WDR76: variants seen among roughly 807,000 people sequenced by gnomAD.
The protein encoded by WDR76 is WD repeat-containing protein 76.
A neutral mutation model predicts 70.2 loss-of-function variants in WDR76; 52 were observed. The observed-to-expected ratio is 0.74, with a 90% CI of 0.59 to 0.93. The LOEUF is 0.93. Ranked by LOEUF, WDR76 falls within the 40% of genes least tolerant of loss-of-function variation. The probability of loss-of-function intolerance (pLI) is 0.00; values close to 1 mark genes in which losing one functional copy is unlikely to be tolerated. For missense variants in WDR76, 756 were observed against 760.2 expected, an observed-to-expected ratio of 0.99 and a Z score of 0.07; for synonymous variants, 292 against 271.1, an observed-to-expected ratio of 1.08 and a Z score of -0.76.
intron 4 of WDR76, among the ~76,000 whole-genome samples, chr15:43,837,024 G>A (rs2141728583): frequency 6.8e-6 from 1 of 146,264 alleles, no homozygotes; most frequent in Middle Eastern, 3.7e-3. Context: ...TGGGCAATAA[G>A]AGTGAGACTC....
At chr15:43,833,404 C>T (rs1243031292) in intron 2 of WDR76, among the ~76,000 whole-genome samples, 16 of 151,034 alleles carry the variant, frequency 1.1e-4, no homozygotes, top group East Asian at 9.8e-4. Context: ...CTGCAAGCTC[C>T]GCCTCCCGGG....
chr15:43,837,814 C>T (rs2087675895), intron 4 of WDR76, among the ~76,000 whole-genome samples: 1 of 151,984 alleles, frequency 6.6e-6, no homozygotes, highest in African/African-American at 2.4e-5. Context: ...ATATATACCC[C>T]TCCCTCCCGA....
rs778368596 is a variant in WDR76, at chr15:43,828,353, C to T, written c.449C>T (p.Thr150Ile). The T allele has an allele frequency of 3.7e-6, 6 of 1,603,344 alleles. No individual in the cohort carries two copies. Among genetic ancestry groups the T allele is most frequent in the African/African-American group, 1.3e-5 (1 of 74,476 alleles). ...SSQDGDSDEDTTPSLDFSGLS... is the reference protein window; with the variant it reads ...SSQDGDSDEDITPSLDFSGLS... ...CAGGATGGAGACAGTGATGAAGATACCACACCATCCCTGGTAAGAACTTAA... is the reference window on the plus strand; with the variant it reads ...CAGGATGGAGACAGTGATGAAGATATCACACCATCCCTGGTAAGAACTTAA... The change falls in exon 2 of 13, where the codon ACC becomes ATC. Residue 150 changes from threonine (T) to isoleucine (I), a missense_variant. Transcript: ENST00000263795.
At chr15:43,833,541 G>A (rs1375826941) in intron 2 of WDR76, among the ~76,000 whole-genome samples, 1 of 151,374 alleles carries the variant, frequency 6.6e-6, no homozygotes, top group Non-Finnish European at 1.5e-5. Flanking sequence ...GGATGGTCTC[G>A]ATCTCCTGAC....
chr15:43,828,523 T>C (rs2087546860), intron 2 of WDR76, among the ~76,000 whole-genome samples, 157 bp downstream of exon 2: 1 of 152,232 alleles, frequency 6.6e-6, no homozygotes, highest in South Asian at 2.1e-4. Context: ...ATTTTTAAGG[T>C]TTAACAAATA....
In WDR76 at chr15:43,835,123, C is replaced by G; in HGVS notation, c.525C>G (p.Asp175Glu). The change falls in exon 3 of 13, where the codon GAC (aspartate) becomes GAG (glutamate). Residue 175 changes from aspartate (D) to glutamate (E), a missense_variant. Physicochemically the swap from Asp to Glu is conservative, Grantham distance 45. Coordinates refer to ENST00000263795, the MANE Select transcript of WDR76 (RefSeq NM_024908.4). ...KRLKNISENADFFASLQLSES... is the reference protein window; with the variant it reads ...KRLKNISENAEFFASLQLSES... ...TGAAGAACATATCAGAAAACGCAGA[C>G]TTTTTTGCTTCTCTTCAGTTGTCTG... The G allele has an allele frequency of 1.9e-6, 3 of 1,613,996 alleles. No homozygotes were observed. Among genetic ancestry groups the G allele is most frequent in the Non-Finnish European group, 2.5e-6 (3 of 1,179,982 alleles).
rs2087525967 is a variant in WDR76, at chr15:43,827,068, C to G, written c.36C>G (p.Asp12Glu). 6.2e-7 allele frequency: 1 copy of G among 1,614,066 alleles called. No individual in the cohort carries two copies. The highest frequency in any genetic ancestry group is 8.5e-7 in the Non-Finnish European group (1 of 1,180,046). ...SRSGAAAEKADSRQRPQMKVN... is the reference protein window; with the variant it reads ...SRSGAAAEKAESRQRPQMKVN... ...CGGGCGCGGCGGCTGAGAAGGCGGA[C>G]TCCAGACAGCGACCCCAGATGAAGG... The change falls in exon 1 of 13, where the codon GAC becomes GAG. Residue 12 changes from aspartate to glutamate, a missense_variant. Physicochemically the swap from Asp to Glu is conservative, Grantham distance 45 (BLOSUM62 2). Transcript: ENST00000263795.
chr15:43,841,249 C>G (rs1375851113), intron 5 of WDR76, among the ~76,000 whole-genome samples: 1 of 142,726 alleles, frequency 7.0e-6, no homozygotes, highest in Non-Finnish European at 1.5e-5. Flanking sequence ...GTTGCCCAGG[C>G]TGGAGTGCGG....
At chr15:43,837,599 C>T (rs1358635494) in intron 4 of WDR76, among the ~76,000 whole-genome samples, 1 of 152,136 alleles carries the variant, frequency 6.6e-6, no homozygotes, top group Non-Finnish European at 1.5e-5. Context: ...ACAGCTATGA[C>T]AGTAACCTTG....
In WDR76 at chr15:43,857,102, A is replaced by G. The variant is rs770124440; in HGVS notation, c.1348A>G (p.Lys450Glu). 29 of 1,613,998 alleles carry G rather than the reference A, an allele frequency of 1.8e-5. No homozygotes were observed. In the African/African-American group the frequency reaches 2.4e-4, roughly 13 times the overall value. The change falls in exon 10 of 13, where the codon AAA becomes GAA. Residue 450 changes from lysine (K) to glutamate (E), a missense_variant. Transcript: ENST00000263795. ...YEKLTSSSMG[K>E]IRTVHVHPVH... ...GAAACTTACCAGTTCTTCTATGGGA[A>G]AAATAAGAACTGTTCATGTCCACCC...
intron 2 of WDR76, 68 bp from the exon 3 acceptor site, chr15:43,834,992 GT>G: frequency 1.6e-6 from 2 of 1,265,008 alleles, no homozygotes; most frequent in Non-Finnish European, 1.1e-6. Flanking sequence ...AATGAAACAT[GT>G]AGTTTTGTGA....
In WDR76 at chr15:43,828,256, A is replaced by G. The variant is rs751542493; in HGVS notation, c.352A>G (p.Thr118Ala). ...TLQNSSSAVH[T>A]ESNKLQPKRT... ...GCAAAATTCATCCTCAGCTGTTCATACTGAAAGTAACAAGCTACAACCCAA... is the reference window on the plus strand; with the variant it reads ...GCAAAATTCATCCTCAGCTGTTCATGCTGAAAGTAACAAGCTACAACCCAA... Residue 118 changes from threonine to alanine, a missense_variant, in exon 2 of 13, where the codon ACT (threonine) becomes GCT (alanine). Transcript: ENST00000263795. 32 of 1,614,118 alleles carry G rather than the reference A, an allele frequency of 2.0e-5. No homozygotes were observed. Among genetic ancestry groups the G allele is most frequent in the Admixed American group, 1.0e-4 (6 of 59,994 alleles).
chr15:43,837,093 CT>C (rs1315841007), intron 4 of WDR76, among the ~76,000 whole-genome samples: 1 of 151,166 alleles, frequency 6.6e-6, no homozygotes, highest in African/African-American at 2.4e-5. Context: ...GTCAAAACAG[CT>C]TATAAGTGGT....
At chr15:43,858,997 G>A (rs1299579947) in intron 11 of WDR76, among the ~76,000 whole-genome samples, 174 bp downstream of exon 11, 2 of 152,160 alleles carry the variant, frequency 1.3e-5, no homozygotes, top group African/African-American at 2.4e-5. Context: ...GCTTTTCAGC[G>A]GTTTTTGGGT....
intron 11 of WDR76, among the ~76,000 whole-genome samples, chr15:43,860,883 C>A (rs1023524975): frequency 1.4e-5 from 2 of 146,734 alleles, no homozygotes; most frequent in African/African-American, 2.5e-5. Context: ...GTATCTTGAC[C>A]AAGATTTGTT....
At chr15:43,827,837 A>G in intron 1 of WDR76, 128 bp from the exon 2 acceptor site, 1 of 1,051,508 alleles carries the variant, frequency 9.5e-7, no homozygotes, top group South Asian at 1.8e-5. Flanking sequence ...GAGCCACTGC[A>G]CCTGGCCTCA....
chr15:43,853,949 A>G (rs1304991829), intron 9 of WDR76, among the ~76,000 whole-genome samples: 1 of 152,114 alleles, frequency 6.6e-6, no homozygotes, highest in African/African-American at 2.4e-5. Flanking sequence ...CAAATGGCAA[A>G]TAAGCACATG....
intron 2 of WDR76, among the ~76,000 whole-genome samples, chr15:43,831,720 G>A (rs1307553888): frequency 6.6e-6 from 1 of 152,166 alleles, no homozygotes; most frequent in Non-Finnish European, 1.5e-5. Flanking sequence ...GATTACAGGC[G>A]TGAGCCACCG....
At chr15:43,827,858 A>G (rs1459667369) in intron 1 of WDR76, 107 bp from the exon 2 acceptor site, 4 of 1,260,004 alleles carry the variant, frequency 3.2e-6, no homozygotes, top group African/African-American at 3.0e-5. Context: ...ATTTGGATTT[A>G]TATTGTCTTT....
Sources: gnomAD v4.1 joint callset for allele counts (sites outside exome capture counted in the v4.1 genomes callset) on GRCh38, gnomAD v4.1.1 for gene constraint, MANE v1.5 for transcripts, NCBI Gene and HGNC (gene_info 2026-07-23, HGNC 2026-07-21) for gene names.